BIRC6: variants seen among roughly 807,000 people sequenced by gnomAD.
BIRC6 encodes the protein baculoviral IAP repeat containing 6, also known as dual E2 ubiquitin-conjugating enzyme/E3 ubiquitin-protein ligase BIRC6.
A neutral mutation model predicts 503.3 loss-of-function variants in BIRC6; 98 were observed. That is an observed-to-expected ratio of 0.19 (90% confidence interval 0.17 to 0.23). The LOEUF is 0.23. Among genes scored for constraint, BIRC6 ranks in the 10% least tolerant of loss-of-function variants. The pLI, the probability that BIRC6 is intolerant of heterozygous loss-of-function variation, is 1.00. For synonymous variants in BIRC6, 2,240 were observed against 2,078.7 expected (o/e 1.08, Z -2.11); for missense variants, 5,360 against 5,806.0 (o/e 0.92, Z 2.50).
At chr2:32,551,095 G>A (rs2058387528) in intron 65 of BIRC6, among the ~76,000 whole-genome samples, 1 of 151,902 alleles carries the variant, frequency 6.6e-6, no homozygotes, top group Non-Finnish European at 1.5e-5. Flanking sequence ...ATAAAATGAT[G>A]TAACTTATAG....
At chr2:32,487,289 A>G (rs1201197029) in intron 40 of BIRC6, among the ~76,000 whole-genome samples, 1 of 152,186 alleles carries the variant, frequency 6.6e-6, no homozygotes, top group East Asian at 1.9e-4. Context: ...TAGAATCTAG[A>G]TTATTCTAAA....
intron 55 of BIRC6, among the ~76,000 whole-genome samples, chr2:32,516,293 T>G (rs1202981743): frequency 6.6e-6 from 1 of 151,972 alleles, no homozygotes; most frequent in African/African-American, 2.4e-5. Flanking sequence ...GCGGGCAGAT[T>G]GCCTGAGGTC....
At chr2:32,486,875 A>T (rs1009010863) in intron 40 of BIRC6, among the ~76,000 whole-genome samples, 1 of 152,132 alleles carries the variant, frequency 6.6e-6, no homozygotes, top group Non-Finnish European at 1.5e-5. Context: ...CAATATGGGG[A>T]TCCCTTTTGT....
At position 32,559,697 on chromosome 2, in the gene BIRC6, GT is replaced by G. The variant is rs1242965905; in HGVS notation, c.13144+10218del. Among the ~76,000 whole-genome samples the G allele has an allele frequency of 2.0e-5, 3 of 149,708 alleles. No individual in the cohort carries two copies. In the South Asian group the frequency reaches 6.3e-4, roughly 32 times the overall value. The stretch of plus-strand genomic sequence containing the variant: ...ATTAGTTTTCCAAGTTCTCCTCTTG[GT>G]TGGGGGGGTCTTCAAAATCTTTAAA... On this transcript the variant is annotated intron_variant, in intron 65 of 73. Coordinates refer to ENST00000421745, the MANE Select transcript of BIRC6 (RefSeq NM_016252.4).
Position 32,485,592 on chromosome 2 carries a change from C to G in BIRC6, c.7697-51C>G. The G allele has an allele frequency of 3.3e-6, 4 of 1,199,140 alleles. No individual in the cohort carries two copies. The South Asian group carries it at 5.0e-5, about 15-fold the overall frequency. 74.3% of individuals were successfully genotyped at this position (1,199,140 alleles called of 1,614,324 possible). On this transcript the variant is annotated intron_variant, in intron 39 of 73. Transcript: ENST00000421745. The stretch of plus-strand genomic sequence containing the variant: ...CATCATTTTATTGTAGGAGGTAGGA[C>G]ATGAGTAATAATTGTCAATGTTTTC...
intron 66 of BIRC6, among the ~76,000 whole-genome samples, chr2:32,586,382 C>T (rs1319058910): frequency 6.8e-6 from 1 of 147,288 alleles, no homozygotes; most frequent in African/African-American, 2.5e-5. Flanking sequence ...TGTTTCACGA[C>T]AGTTTTCACT....
rs1192702182 is a variant in BIRC6, at chr2:32,357,971, T to C, written c.325+485T>C. On this transcript the variant is annotated intron_variant, in intron 1 of 73. Coordinates refer to ENST00000421745, the MANE Select transcript of BIRC6 (RefSeq NM_016252.4). This position sits in a 1 kb window ranked among gnomAD's most constrained non-coding sequence, Gnocchi z 4.9. ...CCTTGTGGGAGAGGAGCCGGCAGTC[T>C]GCTGTTCTCAGGTCCCGCAGTGCGG... Among the ~76,000 whole-genome samples, 1 of 108,008 alleles carries C rather than the reference T, an allele frequency of 9.3e-6. No individual in the cohort carries two copies. The highest frequency in any genetic ancestry group is 2.9e-4 in the East Asian group (1 of 3,472). The allele number at this position is 108,008 out of a possible 152,430, so 70.9% of individuals were successfully genotyped here. A position where few individuals can be genotyped will look rare whatever the true frequency, so the allele number is the denominator to read the frequency against.
intron 16 of BIRC6, 34 bp from the exon 17 acceptor site, chr2:32,441,295 T>G: frequency 2.2e-6 from 3 of 1,366,320 alleles, no homozygotes; most frequent in Non-Finnish European, 3.0e-6. Flanking sequence ...GTTTAGTTTA[T>G]TTTTTAAAAT....
intron 61 of BIRC6, chr2:32,532,005 A>C (rs916323583): frequency 2.3e-6 from 1 of 442,876 alleles, no homozygotes; most frequent in African/African-American, 2.1e-5. Context: ...TCATTTACGA[A>C]GCTGTCAATG....
rs2049065045 is a variant in BIRC6, at chr2:32,471,274, C to T, written c.6592+150C>T. 2.9e-5 allele frequency: 28 copies of T among 970,248 alleles called. 1 individual carries two copies. The South Asian group carries it at 4.7e-4, about 16-fold the overall frequency. The allele number at this position is 970,248 out of a possible 1,614,324, so 60.1% of individuals were successfully genotyped here. A position where few individuals can be genotyped will look rare whatever the true frequency, so the allele number is the denominator to read the frequency against. On this transcript the variant is annotated intron_variant, in intron 32 of 73. Transcript: ENST00000421745. ...ATTTAAGGAAAATACAAATGAACTT[C>T]ACTACAATTCTGTTTAAAGATAACA...
rs367663138 is a variant in BIRC6, at chr2:32,461,583, A to G, written c.4754-1611A>G. 3.2e-3 allele frequency among the ~76,000 whole-genome samples: 484 copies of G among 151,216 alleles called. 2 individuals are homozygous for G. Among genetic ancestry groups the G allele is most frequent in the African/African-American group, 0.011 (456 of 41,116 alleles). On this transcript the variant is annotated intron_variant, in intron 23 of 73. Coordinates refer to ENST00000421745, the MANE Select transcript of BIRC6 (RefSeq NM_016252.4). ...GGCACAGTATGACTGCACTGTAATGAGTGGTGTTTTTTTTTTTTTAACATA... is the reference window on the plus strand; with the variant it reads ...GGCACAGTATGACTGCACTGTAATGGGTGGTGTTTTTTTTTTTTTAACATA...
At chr2:32,383,101 C>T (rs1313598915) in intron 3 of BIRC6, among the ~76,000 whole-genome samples, 5 of 151,910 alleles carry the variant, frequency 3.3e-5, no homozygotes, top group Non-Finnish European at 7.4e-5. Flanking sequence ...GGCTGGAGTG[C>T]AGTGGTGTGA....
intron 43 of BIRC6, among the ~76,000 whole-genome samples, chr2:32,490,429 G>T (rs1453625477): frequency 6.6e-6 from 1 of 152,102 alleles, no homozygotes; most frequent in Non-Finnish European, 1.5e-5. Flanking sequence ...CAGCTACTTG[G>T]GAGGGTGACG....
In BIRC6 at chr2:32,611,525, G is replaced by A. The variant is rs1206452623; in HGVS notation, c.14337G>A (p.Gln4779=). 1 of 1,607,318 alleles carries A rather than the reference G, an allele frequency of 6.2e-7. No individual in the cohort carries two copies. Among genetic ancestry groups the A allele is most frequent in the Non-Finnish European group, 8.5e-7 (1 of 1,175,884 alleles). Reference sequence around the variant, plus strand: ...AGGAGTGGATTGCGGATATCCAGCAGTACAGCAGTGATAAGCGGGTAGGCA... The same window carrying A: ...AGGAGTGGATTGCGGATATCCAGCAATACAGCAGTGATAAGCGGGTAGGCA... ...QCEEWIADIQ[Q]YSSDKRVGRT... Residue 4779 remains glutamine (Q), a synonymous_variant, in exon 73 of 74, where the codon CAG becomes CAA. Transcript: ENST00000421745.
chr2:32,460,270 ATATTTTT>A (rs1192963642), intron 23 of BIRC6, among the ~76,000 whole-genome samples: 9 of 24,204 alleles, frequency 3.7e-4, no homozygotes, highest in African/African-American at 1.1e-3. Context: ...ATATATATAT[ATATTTTT>A]TTTTTTTTTT....
Position 32,502,914 on chromosome 2 carries a change from A to G in BIRC6, c.9304+23A>G, listed in dbSNP as rs753994284. On this transcript the variant is annotated intron_variant, in intron 48 of 73. Coordinates refer to ENST00000421745, the MANE Select transcript of BIRC6 (RefSeq NM_016252.4). ...TGGGTAAGATAATATTTCAATAACT[A>G]TCATTTAAGTGTAGTTATGTGATAG... 3 of 1,575,866 alleles carry G rather than the reference A, an allele frequency of 1.9e-6. No homozygotes were observed. In the South Asian group the frequency reaches 3.4e-5, roughly 18 times the overall value.
At chr2:32,528,859 G>A (rs1478042520) in intron 59 of BIRC6, 1 of 152,008 alleles carries the variant, frequency 6.6e-6, no homozygotes, top group African/African-American at 2.4e-5. Context: ...ATGTGTGTAT[G>A]TGTGTATACA....
At position 32,357,186 on chromosome 2, in the gene BIRC6, C is replaced by A. The variant is rs781236515; in HGVS notation, c.25C>A (p.Pro9Thr). Residue 9 changes from proline to threonine, a missense_variant, in exon 1 of 74, where the codon CCT becomes ACT. Around this residue, in one of 16 missense-constraint regions of BIRC6, gnomAD observed 145 missense variants for 106.9 expected, o/e 1.36. Transcript: ENST00000421745. This position sits in a 1 kb window ranked among gnomAD's most constrained non-coding sequence, Gnocchi z 4.9. Reference protein sequence around the residue: MVTGGGAAPPGTVTEPLPS... With the variant: MVTGGGAATPGTVTEPLPS... ...GATGGTGACTGGTGGTGGTGCTGCA[C>A]CTCCCGGGACTGTCACTGAGCCGCT... 1.3e-6 allele frequency: 2 copies of A among 1,534,180 alleles called. No homozygotes were observed. The highest frequency in any genetic ancestry group is 2.9e-5 in the African/African-American group (2 of 69,648).
chr2:32,500,138 T>C, intron 46 of BIRC6, 29 bp downstream of exon 46: 3 of 1,530,936 alleles, frequency 2.0e-6, no homozygotes, highest in Non-Finnish European at 2.7e-6. Flanking sequence ...AATCTTACCA[T>C]TGTCTCTGAT....
Sources: gnomAD v4.1 joint callset for allele counts (sites outside exome capture counted in the v4.1 genomes callset) on GRCh38, gnomAD v4.1.1 for gene constraint, gnomAD v4.1.1 regional missense constraint, Gnocchi (gnomAD v3.1) non-coding constraint, MANE v1.5 for transcripts, NCBI Gene and HGNC (gene_info 2026-07-23, HGNC 2026-07-21) for gene names.